Variants in DPH6 observed in about 807,000 individuals in gnomAD.
DPH6 encodes diphthine--ammonia ligase.
Under a neutral mutation model 38.2 loss-of-function variants are expected in DPH6, and 33 were observed. That is an observed-to-expected ratio of 0.86 (90% CI 0.65 to 1.15). DPH6 has a LOEUF of 1.15. Ranked by LOEUF, DPH6 falls within the 50% of genes most tolerant of loss-of-function variation. The probability of loss-of-function intolerance (pLI) is 0.00; values close to 1 mark genes in which losing one functional copy is unlikely to be tolerated. For synonymous variants in DPH6, 108 were observed against 103.0 expected, an observed-to-expected ratio of 1.05 and a Z score of -0.30; for missense variants, 325 against 320.0, an observed-to-expected ratio of 1.02 and a Z score of -0.12.
chr15:35,235,444 G>A (rs911407459), intron 3 of DPH6, among the ~76,000 whole-genome samples: 3 of 152,110 alleles, frequency 2.0e-5, no homozygotes, highest in African/African-American at 7.2e-5. Flanking sequence ...TGCACAGGTC[G>A]ATTACTTGGC....
At chr15:35,436,161 G>T (rs962232117) in intron 5 of DPH6, among the ~76,000 whole-genome samples, 2 of 151,956 alleles carry the variant, frequency 1.3e-5, no homozygotes, top group Admixed American at 1.3e-4. Context: ...AGCTCAGTCC[G>T]ACAGCAATTG....
At chr15:35,351,415 T>C (rs1027812631) in intron 3 of DPH6, among the ~76,000 whole-genome samples, 1 of 152,216 alleles carries the variant, frequency 6.6e-6, no homozygotes, top group Admixed American at 6.5e-5. Context: ...AAAGTAATTA[T>C]TGATAGGTTA....
At chr15:35,369,923 G>T (rs981976502), downstream of DPH6, among the ~76,000 whole-genome samples, 4 of 151,622 alleles carry the variant, frequency 2.6e-5, no homozygotes, top group African/African-American at 9.7e-5. Context: ...AATACAATAC[G>T]GAAGAAGAAA....
At chr15:35,410,285 T>G (rs2053348115) in intron 6 of DPH6, among the ~76,000 whole-genome samples, 1 of 151,786 alleles carries the variant, frequency 6.6e-6, no homozygotes, top group African/African-American at 2.4e-5. Context: ...GTTCTAAAAC[T>G]CTAATAAAAT....
chr15:35,250,648 A>C (rs2051667838), intron 3 of DPH6, among the ~76,000 whole-genome samples: 1 of 152,212 alleles, frequency 6.6e-6, no homozygotes. Flanking sequence ...ACCATTAATT[A>C]AGTACCTACT....
intron 3 of DPH6, among the ~76,000 whole-genome samples, chr15:35,349,770 G>A (rs2052494288): frequency 6.6e-6 from 1 of 152,114 alleles, no homozygotes; most frequent in African/African-American, 2.4e-5. Flanking sequence ...TTAATGTGAT[G>A]TCTTAATTTG....
intron 3 of DPH6, among the ~76,000 whole-genome samples, chr15:35,362,658 A>G (rs147960177): frequency 6.6e-6 from 1 of 152,300 alleles, no homozygotes; most frequent in Non-Finnish European, 1.5e-5. Context: ...TCATTGCCCC[A>G]AAGAGTTGGA....
intron 3 of DPH6, among the ~76,000 whole-genome samples, chr15:35,475,553 A>G (rs768167323): frequency 3.9e-5 from 6 of 152,004 alleles, no homozygotes; most frequent in African/African-American, 9.7e-5. Flanking sequence ...GTTAAAATGA[A>G]TTATATATTT....
chr15:35,497,173 C>T lies in DPH6; in HGVS notation c.312+41101G>A, dbSNP rs563553181. Among the ~76,000 whole-genome samples the T allele has an allele frequency of 9.9e-5, 15 of 152,074 alleles. 1 individual carries two copies. Among genetic ancestry groups the T allele is most frequent in the Admixed American group, 3.9e-4 (6 of 15,256 alleles). On this transcript the variant is annotated intron_variant, in intron 3 of 8. Coordinates refer to ENST00000256538, the MANE Select transcript of DPH6 (RefSeq NM_080650.4). Reference sequence around the variant, plus strand: ...TTAGTAATTATCAGACTAATTACTACGCTCCAAGCAGATGCTCACAAACAG... The same window carrying T: ...TTAGTAATTATCAGACTAATTACTATGCTCCAAGCAGATGCTCACAAACAG...
At chr15:35,430,538 CA>C (rs112532049) in intron 5 of DPH6, among the ~76,000 whole-genome samples, 50,366 of 142,672 alleles carry the variant, frequency 0.35, 9,793 homozygotes, top group African/African-American at 0.57. Context: ...ATCCTGTAGC[CA>C]AAAAAAAAAA....
chr15:35,368,571 A>C (rs1169411062), downstream of DPH6, among the ~76,000 whole-genome samples: 1 of 151,988 alleles, frequency 6.6e-6, no homozygotes, highest in African/African-American at 2.4e-5. Flanking sequence ...GTTGGGTAAG[A>C]TATAAATTTA....
chr15:35,158,284 C>A, the DPH6 span, among the ~76,000 whole-genome samples: 1 of 152,022 alleles, frequency 6.6e-6, no homozygotes, highest in Non-Finnish European at 1.5e-5. Context: ...TTTTTTATAT[C>A]TTGATTGGCT....
the DPH6 span, among the ~76,000 whole-genome samples, chr15:35,158,098 T>G: frequency 1.3e-5 from 2 of 152,094 alleles, no homozygotes; most frequent in Non-Finnish European, 2.9e-5. Context: ...CATCTGCCAT[T>G]GCCTAGGCTC....
intron 3 of DPH6, among the ~76,000 whole-genome samples, chr15:35,532,831 C>T (rs1004557065): frequency 6.6e-6 from 1 of 151,934 alleles, no homozygotes; most frequent in Non-Finnish European, 1.5e-5. Flanking sequence ...TGGCTGGGCA[C>T]GGTGGCTCAC....
At chr15:35,505,603 ACC>A (rs2054683900) in intron 3 of DPH6, among the ~76,000 whole-genome samples, 1 of 152,048 alleles carries the variant, frequency 6.6e-6, no homozygotes, top group Admixed American at 6.6e-5. Flanking sequence ...TCCTGAAGTT[ACC>A]GTCTTGCTTA....
chr15:35,413,052 T>G (rs557304270), intron 5 of DPH6, among the ~76,000 whole-genome samples: 2 of 151,266 alleles, frequency 1.3e-5, no homozygotes, highest in Admixed American at 6.6e-5. Flanking sequence ...GCAGGGGAGG[T>G]TGATAATGGG....
intron 5 of DPH6, among the ~76,000 whole-genome samples, chr15:35,420,906 G>A (rs1376115132): frequency 6.6e-6 from 1 of 152,078 alleles, no homozygotes; most frequent in Non-Finnish European, 1.5e-5. Context: ...AATAAAATCA[G>A]AAATGGAAGG....
exon 4 of DPH6, chr15:35,217,617 G>A (rs1460903284): frequency 6.6e-6 from 1 of 152,352 alleles, no homozygotes; most frequent in Non-Finnish European, 1.5e-5. Flanking sequence ...CTCCCAAAGT[G>A]CTGGGATTAC....
intron 3 of DPH6, among the ~76,000 whole-genome samples, chr15:35,311,484 C>A (rs72708945): frequency 2.6e-5 from 4 of 152,024 alleles, no homozygotes; most frequent in Non-Finnish European, 4.4e-5. Flanking sequence ...AATTTGTCTA[C>A]AATAAAGCTA....
Sources: allele counts gnomAD v4.1 joint callset (sites outside exome capture counted in the v4.1 genomes callset), GRCh38; gene constraint gnomAD v4.1.1; transcripts MANE v1.5; gene names NCBI Gene and HGNC (gene_info 2026-07-23, HGNC 2026-07-21).